The following COL8A1 variants were observed in gnomAD, a reference collection of about 807,000 sequenced individuals.
COL8A1 encodes collagen type VIII alpha 1 chain.
In COL8A1, 21 loss-of-function variants were observed where a neutral mutation model predicts 42.7. That is an observed-to-expected ratio of 0.49 (90% CI 0.35 to 0.71). COL8A1 has a LOEUF of 0.71. Ranked by LOEUF, COL8A1 falls within the 30% of genes least tolerant of loss-of-function variation. The pLI is 0.01. For missense variants in COL8A1, 788 were observed against 962.4 expected, an observed-to-expected ratio of 0.82 and a Z score of 2.40; for synonymous variants, 367 against 369.1, an observed-to-expected ratio of 0.99 and a Z score of 0.06.
chr3:99,738,294 A>G (rs1451045440), intron 1 of COL8A1, among the ~76,000 whole-genome samples: 9 of 152,104 alleles, frequency 5.9e-5, no homozygotes, highest in Admixed American at 5.9e-4. Context: ...GGAGGAGGAG[A>G]GGCACTCTGA....
intron 1 of COL8A1, chr3:99,679,331 C>G (rs980868574): frequency 6.6e-5 from 10 of 152,160 alleles, no homozygotes; most frequent in Admixed American, 6.5e-4. Flanking sequence ...AAGAAAAGAA[C>G]AGAGAACAAG....
At chr3:99,781,124 C>T (rs77488400) in intron 2 of COL8A1, among the ~76,000 whole-genome samples, 1 of 152,256 alleles carries the variant, frequency 6.6e-6, no homozygotes, top group African/African-American at 2.4e-5. Context: ...TGGGAACAGT[C>T]CTGTGGAATG....
intron 1 of COL8A1, among the ~76,000 whole-genome samples, chr3:99,696,444 T>G (rs1349516530): frequency 6.6e-6 from 1 of 152,150 alleles, no homozygotes; most frequent in Non-Finnish European, 1.5e-5. Flanking sequence ...AGGACAAGTC[T>G]GACAGTTGGG....
intron 1 of COL8A1, among the ~76,000 whole-genome samples, chr3:99,709,483 A>G (rs1241677071): frequency 6.6e-6 from 1 of 152,204 alleles, no homozygotes; most frequent in East Asian, 1.9e-4. Context: ...TCTGGCTTAC[A>G]GTTGGTGCTC....
intron 1 of COL8A1, among the ~76,000 whole-genome samples, chr3:99,693,894 C>T (rs1340092315): frequency 3.9e-5 from 6 of 152,176 alleles, no homozygotes; most frequent in Admixed American, 3.9e-4. Context: ...GTAAAGTGCC[C>T]TATACAGGTA....
chr3:99,731,680 T>G (rs970718539), intron 1 of COL8A1, among the ~76,000 whole-genome samples: 1 of 152,056 alleles, frequency 6.6e-6, no homozygotes, highest in African/African-American at 2.4e-5. Flanking sequence ...ACTGAAGGGA[T>G]GTAAGCAAGA....
intron 2 of COL8A1, among the ~76,000 whole-genome samples, chr3:99,772,652 A>G (rs1418652700): frequency 6.6e-6 from 1 of 152,156 alleles, no homozygotes; most frequent in Non-Finnish European, 1.5e-5. Context: ...TAAGTGATAC[A>G]CGGCAGAATG....
chr3:99,794,268 C>T lies in COL8A1; in HGVS notation c.367C>T (p.Arg123Cys), dbSNP rs745489693. The T allele has an allele frequency of 4.4e-6, 7 of 1,606,138 alleles. No homozygotes were observed. In the Admixed American group the frequency reaches 5.1e-5, roughly 12 times the overall value. Reference sequence around the variant, plus strand: ...CAGTTTACGAGGGGAACAAGGTCCCCGTGGAGAGCCTGGCCCAAGAGGACC... The same window carrying T: ...CAGTTTACGAGGGGAACAAGGTCCCTGTGGAGAGCCTGGCCCAAGAGGACC... ...LASLRGEQGP[R>C]GEPGPRGPPG... Residue 123 changes from arginine to cysteine, a missense_variant, in exon 4 of 4, where the codon CGT becomes TGT. By Grantham distance (180) the Arg-to-Cys change is radical. Around this residue, in one of 4 missense-constraint regions of COL8A1, gnomAD observed 421 missense variants for 553.1 expected, o/e 0.76. Transcript: ENST00000652472. This position sits in a 1 kb window ranked among gnomAD's most constrained non-coding sequence, Gnocchi z 4.3.
At chr3:99,680,542 C>T (rs529431798) in intron 1 of COL8A1, 1 of 152,140 alleles carries the variant, frequency 6.6e-6, no homozygotes, top group African/African-American at 2.4e-5. Context: ...AATGGTATTT[C>T]TAGTTCTAGA....
At chr3:99,658,389 C>T (rs1938096861) in intron 1 of COL8A1, among the ~76,000 whole-genome samples, 1 of 152,160 alleles carries the variant, frequency 6.6e-6, no homozygotes, top group Non-Finnish European at 1.5e-5. Flanking sequence ...CTCTTAACTC[C>T]CCAAGCATTC....
At chr3:99,685,227 A>C (rs1320387099) in intron 1 of COL8A1, among the ~76,000 whole-genome samples, 1 of 152,216 alleles carries the variant, frequency 6.6e-6, no homozygotes, top group African/African-American at 2.4e-5. Flanking sequence ...ACACTGTCTT[A>C]CCATCATCAA....
Position 99,795,791 on chromosome 3 carries a change from G to A in COL8A1, c.1890G>A (p.Gly630=). Residue 630 remains glycine (G), a synonymous_variant, in exon 4 of 4, where the codon GGG becomes GGA. Coordinates refer to ENST00000652472, the MANE Select transcript of COL8A1 (RefSeq NM_020351.4). ...AELTAPFPPV[G]APVKFNKLLY... is the part of the protein sequence containing the mutation. Reference sequence around the variant, plus strand: ...TAACCGCACCTTTCCCACCGGTGGGGGCCCCAGTGAAGTTTAACAAACTGC... The same window carrying A: ...TAACCGCACCTTTCCCACCGGTGGGAGCCCCAGTGAAGTTTAACAAACTGC... 1 of 1,614,130 alleles carries A rather than the reference G, an allele frequency of 6.2e-7. No individual in the cohort carries two copies. Among genetic ancestry groups the A allele is most frequent in the Non-Finnish European group, 8.5e-7 (1 of 1,180,016 alleles).
chr3:99,759,569 T>C lies in COL8A1; in HGVS notation c.-4+14548T>C, dbSNP rs9837555. Reference sequence around the variant, plus strand: ...ATGAACTCTTAGGATGTCAGACACATCCATGTTCAAACATAAGTAAAAAAC... The same window carrying C: ...ATGAACTCTTAGGATGTCAGACACACCCATGTTCAAACATAAGTAAAAAAC... On this transcript the variant is annotated intron_variant, in intron 2 of 3. Transcript: ENST00000652472. 4.1e-3 allele frequency among the ~76,000 whole-genome samples: 628 copies of C among 152,244 alleles called. 4 individuals carry two copies. Among genetic ancestry groups the C allele is most frequent in the African/African-American group, 0.014 (589 of 41,554 alleles).
intron 2 of COL8A1, among the ~76,000 whole-genome samples, chr3:99,763,230 C>A (rs1941397228): frequency 6.6e-6 from 1 of 152,138 alleles, no homozygotes; most frequent in Non-Finnish European, 1.5e-5. Flanking sequence ...GAATTATTAT[C>A]TAACATAGAA....
intron 1 of COL8A1, among the ~76,000 whole-genome samples, chr3:99,645,335 G>A (rs905610552): frequency 6.6e-6 from 1 of 151,452 alleles, no homozygotes; most frequent in African/African-American, 2.4e-5. Flanking sequence ...ATGAAGGAGG[G>A]CACTAGGGGG....
intron 1 of COL8A1, among the ~76,000 whole-genome samples, chr3:99,656,022 TC>T (rs1333168227): frequency 6.6e-6 from 1 of 152,244 alleles, no homozygotes; most frequent in Non-Finnish European, 1.5e-5. Flanking sequence ...TTTGAGGACA[TC>T]TTTAAAAGAA....
At position 99,796,956 on chromosome 3, in the gene COL8A1, T is replaced by C. The variant is rs1200099476; in HGVS notation, c.*820T>C. The stretch of plus-strand genomic sequence containing the variant: ...AGTTTCTATTTGTTTTGATTTTCTT[T>C]TTCTGTGACTTATTTTCCTATTTTC... On this transcript the variant is annotated 3_prime_UTR_variant, in exon 4 of 4. Transcript: ENST00000652472. 1.3e-5 allele frequency: 2 copies of C among 152,196 alleles called. No homozygotes were observed. The allele number at this position is 152,196 out of a possible 1,614,324, so 9.4% of individuals were successfully genotyped here.
chr3:99,662,246 G>C (rs1213236950), intron 1 of COL8A1, among the ~76,000 whole-genome samples: 1 of 152,162 alleles, frequency 6.6e-6, no homozygotes, highest in Non-Finnish European at 1.5e-5. Context: ...GCCAGGCGTG[G>C]TGGTGAGTGC....
At chr3:99,700,394 T>C (rs1301846682) in intron 1 of COL8A1, among the ~76,000 whole-genome samples, 1 of 150,984 alleles carries the variant, frequency 6.6e-6, no homozygotes, top group African/African-American at 2.4e-5. Flanking sequence ...AGACAAACAC[T>C]CCACTGGGAG....
Sources: gnomAD v4.1 joint callset for allele counts (sites outside exome capture counted in the v4.1 genomes callset) on GRCh38, gnomAD v4.1.1 for gene constraint, gnomAD v4.1.1 regional missense constraint, Gnocchi (gnomAD v3.1) non-coding constraint, MANE v1.5 for transcripts, NCBI Gene and HGNC (gene_info 2026-07-23, HGNC 2026-07-21) for gene names.